The following ARHGEF35 variants were observed in gnomAD, a reference collection of about 807,000 sequenced individuals.
The protein encoded by ARHGEF35 is Rho guanine nucleotide exchange factor (GEF) 35.
For missense variants in ARHGEF35, 114 were observed against 449.7 expected, an observed-to-expected ratio of 0.25 and a Z score of 6.75; for synonymous variants, 47 against 170.4, an observed-to-expected ratio of 0.28 and a Z score of 5.64.
intron 1 of ARHGEF35, among the ~76,000 whole-genome samples, chr7:144,189,613 G>GATAGC (rs1352518212): frequency 1.1e-5 from 1 of 95,202 alleles, no homozygotes; most frequent in Non-Finnish European, 2.1e-5. Context: ...ACTGAGCTTT[G>GATAGC]ATAGCGGCAT....
intron 1 of ARHGEF35, among the ~76,000 whole-genome samples, chr7:144,193,621 C>G (rs1212175092): frequency 1.4e-5 from 2 of 143,108 alleles, no homozygotes; most frequent in Non-Finnish European, 3.1e-5. Context: ...GGACCACTGA[C>G]TACTACAATG....
intron 1 of ARHGEF35, among the ~76,000 whole-genome samples, chr7:144,189,798 T>C (rs1236364328): frequency 4.2e-5 from 5 of 117,878 alleles, no homozygotes; most frequent in Non-Finnish European, 7.0e-5. Flanking sequence ...CAGTCTTTTT[T>C]TTTCTTTCTT....
At position 144,186,934 on chromosome 7, in the gene ARHGEF35, G is replaced by A; in HGVS notation, c.1450C>T (p.Leu484Phe). Residue 484 changes from leucine (L) to phenylalanine (F), a missense_variant, in exon 2 of 2, where the codon CTT becomes TTT. By Grantham distance (22) the Leu-to-Phe change is conservative. Transcript: ENST00000378115. ...AAACATGAAACTGTGACATATCAAA[G>A]TACTGATAGAAGTTTTTCCTTGTCA... ...SPDKEKLLSV[L>F] 1.8e-5 allele frequency: 27 copies of A among 1,503,292 alleles called. 5 individuals carry two copies. The highest frequency in any genetic ancestry group is 2.3e-5 in the Non-Finnish European group (25 of 1,099,314). 93.1% of individuals were successfully genotyped at this position (1,503,292 alleles called of 1,614,324 possible).
rs1586942631 is a variant in ARHGEF35, at chr7:144,190,551, T to C, written c.-12-2156A>G. Among the ~76,000 whole-genome samples the C allele has an allele frequency of 2.2e-5, 3 of 137,928 alleles. No individual in the cohort carries two copies. The East Asian group carries it at 6.3e-4, about 29-fold the overall frequency. The allele number at this position is 137,928 out of a possible 152,430, so 90.5% of individuals were successfully genotyped here. The stretch of plus-strand genomic sequence containing the variant: ...ATACATGTCATTAAAAATAATGAAA[T>C]GCTTCTTTAAATATGTATGTGCCAT... On this transcript the variant is annotated intron_variant, in intron 1 of 1. Coordinates refer to ENST00000378115, the MANE Select transcript of ARHGEF35 (RefSeq NM_001003702.3).
Position 144,186,688 on chromosome 7 carries a change from G to C in ARHGEF35, c.*241C>G, listed in dbSNP as rs1473285950. 2.6e-6 allele frequency: 1 copy of C among 387,756 alleles called. No homozygotes were observed. The highest frequency in any genetic ancestry group is 2.7e-5 in the African/African-American group (1 of 36,412). The allele number at this position is 387,756 out of a possible 1,614,324, so 24.0% of individuals were successfully genotyped here. A position where few individuals can be genotyped will look rare whatever the true frequency, so the allele number is the denominator to read the frequency against. The stretch of plus-strand genomic sequence containing the variant: ...TGCTGACGAAACACATGGCAAGATA[G>C]AGCTGTCCTAGGCCCTAAAACTCGC... On this transcript the variant is annotated 3_prime_UTR_variant, in exon 2 of 2. Coordinates refer to ENST00000378115, the MANE Select transcript of ARHGEF35 (RefSeq NM_001003702.3).
At position 144,186,355 on chromosome 7, in the gene ARHGEF35, T is replaced by C. The variant is rs1388556725; in HGVS notation, c.*574A>G. On this transcript the variant is annotated 3_prime_UTR_variant, in exon 2 of 2. Transcript: ENST00000378115. ...AAAACTGAAAGGAGATATAGATGAATCCACAATTATAGTTAGAAATTTCCT... is the reference window on the plus strand; with the variant it reads ...AAAACTGAAAGGAGATATAGATGAACCCACAATTATAGTTAGAAATTTCCT... 1 of 164,850 alleles carries C rather than the reference T, an allele frequency of 6.1e-6. No individual in the cohort carries two copies. Among genetic ancestry groups the C allele is most frequent in the Admixed American group, 5.7e-5 (1 of 17,502 alleles). The allele number at this position is 164,850 out of a possible 1,614,324, so 10.2% of individuals were successfully genotyped here. A position where few individuals can be genotyped will look rare whatever the true frequency, so the allele number is the denominator to read the frequency against.
chr7:144,189,806 CT>C (rs202193464), intron 1 of ARHGEF35, among the ~76,000 whole-genome samples: 390 of 101,990 alleles, frequency 3.8e-3, no homozygotes, highest in South Asian at 0.025. Context: ...TTTTTTCTTT[CT>C]TTTTTTTTTT....
In ARHGEF35 at chr7:144,186,916, A is replaced by G; in HGVS notation, c.*13T>C. ...AAATACATTGAACTGGATAAACATG[A>G]AACTGTGACATATCAAAGTACTGAT... On this transcript the variant is annotated 3_prime_UTR_variant, in exon 2 of 2. Coordinates refer to ENST00000378115, the MANE Select transcript of ARHGEF35 (RefSeq NM_001003702.3). 6.9e-7 allele frequency: 1 copy of G among 1,453,278 alleles called. No individual in the cohort carries two copies. The highest frequency in any genetic ancestry group is 9.3e-7 in the Non-Finnish European group (1 of 1,070,424). 90.0% of individuals were successfully genotyped at this position (1,453,278 alleles called of 1,614,324 possible). A position where few individuals can be genotyped will look rare whatever the true frequency, so the allele number is the denominator to read the frequency against.
chr7:144,193,817 C>A (rs2052020483), intron 1 of ARHGEF35, among the ~76,000 whole-genome samples: 1 of 144,062 alleles, frequency 6.9e-6, no homozygotes, highest in African/African-American at 2.6e-5. Context: ...TGGTGGCATC[C>A]ACACAGATAA....
chr7:144,187,091 C>T lies in ARHGEF35; in HGVS notation c.1293G>A (p.Gln431=), dbSNP rs779676451. ...LFPGASYLVT[Q]IPGTQTESRA... is the part of the protein sequence containing the mutation. The stretch of plus-strand genomic sequence containing the variant: ...TGGACTCTGTCTGAGTCCCGGGAAT[C>T]TGAGTCACGAGATATGAGGCACCTG... Residue 431 remains glutamine (Q), a synonymous_variant, in exon 2 of 2, where the codon CAG becomes CAA. Coordinates refer to ENST00000378115, the MANE Select transcript of ARHGEF35 (RefSeq NM_001003702.3). 2 of 1,538,606 alleles carry T rather than the reference C, an allele frequency of 1.3e-6. No individual in the cohort carries two copies. Among genetic ancestry groups the T allele is most frequent in the Middle Eastern group, 1.7e-4 (1 of 5,912 alleles).
intron 1 of ARHGEF35, among the ~76,000 whole-genome samples, chr7:144,189,752 A>G (rs2051983667): frequency 8.7e-6 from 1 of 115,320 alleles, no homozygotes; most frequent in Admixed American, 8.9e-5. Flanking sequence ...TACTTGTGGT[A>G]TTACATTTTC....
Sources: gnomAD v4.1 joint callset for allele counts (sites outside exome capture counted in the v4.1 genomes callset) on GRCh38, gnomAD v4.1.1 for gene constraint, MANE v1.5 for transcripts, NCBI Gene and HGNC (gene_info 2026-07-23, HGNC 2026-07-21) for gene names.